The following BCHE variants were observed in gnomAD, a reference collection of about 807,000 sequenced individuals.
BCHE encodes the protein butyrylcholinesterase.
BCHE carries 48 observed loss-of-function variants against 51.3 expected under a neutral mutation model. The ratio of observed to expected loss-of-function variants is 0.94; its 90% CI spans 0.74 to 1.19. The LOEUF is 1.19. Ranked by LOEUF, BCHE falls within the 50% of genes most tolerant of loss-of-function variation. BCHE has a pLI of 0.00. For missense variants in BCHE, 847 were observed against 708.2 expected, an observed-to-expected ratio of 1.20 and a Z score of -2.23; for synonymous variants, 251 against 238.0, an observed-to-expected ratio of 1.05 and a Z score of -0.50.
At chr3:165,802,097 C>A (rs1332352344) in intron 2 of BCHE, among the ~76,000 whole-genome samples, 1 of 152,188 alleles carries the variant, frequency 6.6e-6, no homozygotes, top group Non-Finnish European at 1.5e-5. Flanking sequence ...GAGGTGAGAA[C>A]TGTATGCTGC....
chr3:165,807,039 G>C (rs989181419), intron 2 of BCHE, among the ~76,000 whole-genome samples: 2 of 151,844 alleles, frequency 1.3e-5, no homozygotes, highest in African/African-American at 4.8e-5. Context: ...TACTTTTTTG[G>C]GGGGTTGGTG....
rs1715126085 is a variant in BCHE, at chr3:165,834,704, T to C, written c.-9+2610A>G. Among the ~76,000 whole-genome samples the C allele has an allele frequency of 2.6e-5, 4 of 152,048 alleles. No individual in the cohort carries two copies. In the South Asian group the frequency reaches 8.3e-4, roughly 32 times the overall value. Reference sequence around the variant, plus strand: ...CAATCGAAAGAGAAATAAATGAAAATAGAATAAAAATATTGAGTCTATATC... The same window carrying C: ...CAATCGAAAGAGAAATAAATGAAAACAGAATAAAAATATTGAGTCTATATC... On this transcript the variant is annotated intron_variant, in intron 1 of 3. Coordinates refer to ENST00000264381, the MANE Select transcript of BCHE (RefSeq NM_000055.4).
At chr3:165,774,217 A>G (rs1712375024) in intron 3 of BCHE, among the ~76,000 whole-genome samples, 1 of 152,170 alleles carries the variant, frequency 6.6e-6, no homozygotes, top group South Asian at 2.1e-4. Context: ...GGTTAAATCC[A>G]TGGATGTGTA....
At chr3:165,785,456 G>A (rs1257540586) in intron 3 of BCHE, among the ~76,000 whole-genome samples, 23 of 151,768 alleles carry the variant, frequency 1.5e-4, no homozygotes, top group Admixed American at 1.5e-3. Context: ...CAAGTGGATT[G>A]AAATATTTTC....
rs570544890 is a variant in BCHE, at chr3:165,829,705, A to T, written c.1329T>A (p.Asn443Lys). 28 of 1,613,900 alleles carry T rather than the reference A, an allele frequency of 1.7e-5. No individual in the cohort carries two copies. The South Asian group carries it at 2.6e-4, about 15-fold the overall frequency. ...FTKKFSEWGN[N>K]AFFYYFEHRS... ...GGTGTTCAAAATAGTAGAAAAAGGC[A>T]TTATTTCCCCATTCTGAGAACTTCT... Residue 443 changes from asparagine to lysine, a missense_variant, in exon 2 of 4, where the codon AAT (asparagine) becomes AAA (lysine). By Grantham distance (94) the Asn-to-Lys change is moderately conservative. Coordinates refer to ENST00000264381, the MANE Select transcript of BCHE (RefSeq NM_000055.4).
intron 1 of BCHE, among the ~76,000 whole-genome samples, chr3:165,832,305 C>A (rs1041043616): frequency 6.6e-6 from 1 of 152,158 alleles, no homozygotes; most frequent in Non-Finnish European, 1.5e-5. Context: ...GAACTAATGT[C>A]TCTTTTGAGA....
chr3:165,802,586 G>T (rs1172271982), intron 2 of BCHE, among the ~76,000 whole-genome samples: 1 of 151,386 alleles, frequency 6.6e-6, no homozygotes, highest in African/African-American at 2.4e-5. Context: ...GATAGAATTT[G>T]CTGATGTGGA....
At chr3:165,831,085 T>C (rs1445283538) in intron 1 of BCHE, 44 bp from the exon 2 acceptor site, 2 of 1,459,326 alleles carry the variant, frequency 1.4e-6, no homozygotes, top group Non-Finnish European at 1.9e-6. Flanking sequence ...CTTCTGCATA[T>C]AGCATATTAT....
intron 3 of BCHE, among the ~76,000 whole-genome samples, chr3:165,782,437 A>G (rs966608328): frequency 6.6e-6 from 1 of 152,112 alleles, no homozygotes; most frequent in African/African-American, 2.4e-5. Flanking sequence ...ACACATTGGC[A>G]TAACTTTTTG....
At chr3:165,821,387 C>A (rs1714508446) in intron 2 of BCHE, among the ~76,000 whole-genome samples, 1 of 150,818 alleles carries the variant, frequency 6.6e-6, no homozygotes, top group South Asian at 2.1e-4. Flanking sequence ...TTTCTTTGAC[C>A]TTTCCCCAGT....
Position 165,837,213 on chromosome 3 carries a change from A to C in BCHE, c.-9+101T>G, listed in dbSNP as rs1576675156. 1.1e-5 allele frequency: 8 copies of C among 733,120 alleles called. No individual in the cohort carries two copies. The East Asian group carries it at 4.8e-4, about 44-fold the overall frequency. The allele number at this position is 733,120 out of a possible 1,614,324, so 45.4% of individuals were successfully genotyped here. ...GTAACTGTTCCCCACAGAGCACCAA[A>C]GGGACACAACAAACACATGAAGAGA... On this transcript the variant is annotated intron_variant, in intron 1 of 3. Transcript: ENST00000264381.
At chr3:165,809,858 A>G (rs1342788876) in intron 2 of BCHE, among the ~76,000 whole-genome samples, 3 of 152,112 alleles carry the variant, frequency 2.0e-5, no homozygotes, top group Non-Finnish European at 4.4e-5. Flanking sequence ...TGTCTTAGTT[A>G]AATTTCTTCA....
At chr3:165,791,727 C>G (rs1348620800) in intron 2 of BCHE, among the ~76,000 whole-genome samples, 1 of 152,024 alleles carries the variant, frequency 6.6e-6, no homozygotes, top group Non-Finnish European at 1.5e-5. Context: ...CCAAGGCAGG[C>G]GGATCACTTG....
intron 1 of BCHE, among the ~76,000 whole-genome samples, chr3:165,835,985 T>C (rs1715174394): frequency 6.6e-6 from 1 of 151,922 alleles, no homozygotes; most frequent in African/African-American, 2.4e-5. Flanking sequence ...AAATATATAT[T>C]ATACTTATCA....
At chr3:165,777,603 C>G in intron 3 of BCHE, 1 of 241,508 alleles carries the variant, frequency 4.1e-6, no homozygotes, top group Non-Finnish European at 8.6e-6. Flanking sequence ...AAGCAAATCT[C>G]TGTGTGCAGG....
At chr3:165,784,811 A>T (rs1235695230) in intron 3 of BCHE, among the ~76,000 whole-genome samples, 1 of 151,898 alleles carries the variant, frequency 6.6e-6, no homozygotes, top group Non-Finnish European at 1.5e-5. Context: ...ATCTCAAATT[A>T]TAACCCTCTC....
rs138238760 is a variant in BCHE, at chr3:165,785,647, T to C, written c.1684+498A>G. On this transcript the variant is annotated intron_variant, in intron 3 of 3. Transcript: ENST00000264381. The stretch of plus-strand genomic sequence containing the variant: ...TGCTCTTAGATAAATATTTCCAAGT[T>C]CAGAATATTTAGAAATTTTTTATTG... Among the ~76,000 whole-genome samples the C allele has an allele frequency of 2.4e-3, 367 of 151,804 alleles. 1 individual carries two copies. Among genetic ancestry groups the C allele is most frequent in the African/African-American group, 8.4e-3 (350 of 41,534 alleles).
chr3:165,784,704 A>G (rs1712872560), intron 3 of BCHE, among the ~76,000 whole-genome samples: 1 of 151,966 alleles, frequency 6.6e-6, no homozygotes, highest in Non-Finnish European at 1.5e-5. Context: ...ATTTTATTGT[A>G]TCATCGCATA....
intron 2 of BCHE, among the ~76,000 whole-genome samples, chr3:165,789,321 T>TA (rs1713082259): frequency 6.6e-6 from 1 of 151,600 alleles, no homozygotes; most frequent in South Asian, 2.1e-4. Flanking sequence ...TCTTTTTTTT[T>TA]ACATCTGTGT....
Sources: gnomAD v4.1 joint callset for allele counts (sites outside exome capture counted in the v4.1 genomes callset) on GRCh38, gnomAD v4.1.1 for gene constraint, MANE v1.5 for transcripts, NCBI Gene and HGNC (gene_info 2026-07-23, HGNC 2026-07-21) for gene names.